Variants in CNTLN observed in about 807,000 individuals in gnomAD.
CNTLN encodes the protein centlein.
Under a neutral mutation model 180.0 loss-of-function variants are expected in CNTLN, and 212 were observed. The ratio of observed to expected loss-of-function variants is 1.18; its 90% CI spans 1.05 to 1.32. CNTLN has a LOEUF of 1.32. CNTLN is among the 40% of genes most tolerant of loss of function. The pLI is 0.00. For synonymous variants in CNTLN, 722 were observed against 563.1 expected, an observed-to-expected ratio of 1.28 and a Z score of -3.99; for missense variants, 2,095 against 1,610.9, an observed-to-expected ratio of 1.30 and a Z score of -5.14.
intron 10 of CNTLN, among the ~76,000 whole-genome samples, chr9:17,336,713 TA>T (rs979762675): frequency 1.3e-5 from 2 of 152,168 alleles, no homozygotes; most frequent in African/African-American, 4.8e-5. Flanking sequence ...AACCTTTTTT[TA>T]AAAAAATTAT....
In CNTLN at chr9:17,260,885, C is replaced by T. The variant is rs529872383; in HGVS notation, c.850-12848C>T. Reference sequence around the variant, plus strand: ...AGGAAGGGGTCCAGTTTCAATCTTCCGCATTTGGCTAGCCAGTTATCTCAG... The same window carrying T: ...AGGAAGGGGTCCAGTTTCAATCTTCTGCATTTGGCTAGCCAGTTATCTCAG... On this transcript the variant is annotated intron_variant, in intron 5 of 25. Transcript: ENST00000380647. Among the ~76,000 whole-genome samples, 297 of 151,354 alleles carry T rather than the reference C, an allele frequency of 2.0e-3. 13 individuals are homozygous for T. The highest frequency in any genetic ancestry group is 6.0e-3 in the African/African-American group (245 of 40,882).
At chr9:17,162,189 A>G (rs1160963200) in intron 2 of CNTLN, among the ~76,000 whole-genome samples, 6 of 151,698 alleles carry the variant, frequency 4.0e-5, no homozygotes, top group Non-Finnish European at 8.8e-5. Flanking sequence ...ATCTCAGCTC[A>G]CTGCAAGCTC....
chr9:17,364,624 G>A (rs1324862553), intron 12 of CNTLN, among the ~76,000 whole-genome samples: 1 of 151,794 alleles, frequency 6.6e-6, no homozygotes, highest in Non-Finnish European at 1.5e-5. Flanking sequence ...ATCCCATTTT[G>A]GGCAGTGGGA....
intron 5 of CNTLN, among the ~76,000 whole-genome samples, chr9:17,251,948 A>G (rs1334305655): frequency 6.6e-6 from 1 of 151,690 alleles, no homozygotes. Flanking sequence ...GCACCACGAG[A>G]TAAGGTTTTT....
intron 12 of CNTLN, among the ~76,000 whole-genome samples, chr9:17,354,764 C>T (rs146750518): frequency 2.0e-5 from 3 of 152,184 alleles, no homozygotes; most frequent in South Asian, 2.1e-4. Context: ...CCCGAGCCAG[C>T]GTTGGCAACC....
At chr9:17,496,984 C>G (rs984458129) in intron 25 of CNTLN, among the ~76,000 whole-genome samples, 1 of 152,056 alleles carries the variant, frequency 6.6e-6, no homozygotes, top group African/African-American at 2.4e-5. Flanking sequence ...AAATGTCTTG[C>G]AGGGGGTTGG....
intron 12 of CNTLN, among the ~76,000 whole-genome samples, chr9:17,362,767 C>T (rs1015565961): frequency 7.2e-5 from 11 of 151,768 alleles, no homozygotes; most frequent in South Asian, 6.3e-4. Context: ...ACTTTAAGTT[C>T]TGGGATACAT....
intron 5 of CNTLN, among the ~76,000 whole-genome samples, chr9:17,245,922 T>A (rs1283106429): frequency 2.0e-5 from 3 of 152,164 alleles, no homozygotes; most frequent in Admixed American, 6.6e-5. Context: ...AAAATATATC[T>A]GTAGGATTCT....
intron 7 of CNTLN, chr9:17,300,231 G>C (rs1818251902): frequency 1.3e-5 from 2 of 152,066 alleles, no homozygotes; most frequent in Admixed American, 1.3e-4. Context: ...CATTTCCTTT[G>C]AGCATCATAC....
At chr9:17,408,175 A>G (rs1309748114) in intron 15 of CNTLN, among the ~76,000 whole-genome samples, 1 of 149,004 alleles carries the variant, frequency 6.7e-6, no homozygotes, top group African/African-American at 2.5e-5. Flanking sequence ...AAGGCATCTC[A>G]AAAGTATATA....
In CNTLN at chr9:17,232,334, T is replaced by A. The variant is rs4489405; in HGVS notation, c.535-3324T>A. Among the ~76,000 whole-genome samples the A allele has an allele frequency of 9.1e-4, 139 of 152,118 alleles. 1 individual carries two copies. Among genetic ancestry groups the A allele is most frequent in the African/African-American group, 2.3e-3 (97 of 41,554 alleles). Reference sequence around the variant, plus strand: ...TAATAATTTTGGTTAACCAATTTTTTAAATTTTATTATGCTTTTTAATTTA... The same window carrying A: ...TAATAATTTTGGTTAACCAATTTTTAAAATTTTATTATGCTTTTTAATTTA... On this transcript the variant is annotated intron_variant, in intron 3 of 25. Coordinates refer to ENST00000380647, the MANE Select transcript of CNTLN (RefSeq NM_017738.4).
intron 2 of CNTLN, among the ~76,000 whole-genome samples, chr9:17,149,249 G>A (rs868598942): frequency 6.6e-6 from 1 of 152,084 alleles, no homozygotes; most frequent in African/African-American, 2.4e-5. Flanking sequence ...CCAACTCTTT[G>A]CTATTGTGAA....
At chr9:17,523,982 T>TG in the CNTLN span, among the ~76,000 whole-genome samples, 88 of 152,346 alleles carry the variant, frequency 5.8e-4, no homozygotes, top group Non-Finnish European at 9.0e-4. Flanking sequence ...TTTTTCCTCT[T>TG]AGAAACGTCC....
At chr9:17,446,631 C>G (rs147478713) in intron 18 of CNTLN, among the ~76,000 whole-genome samples, 36 of 152,190 alleles carry the variant, frequency 2.4e-4, no homozygotes, top group Admixed American at 5.2e-4. Flanking sequence ...ATATCATGGT[C>G]TATTATAAAT....
intron 25 of CNTLN, among the ~76,000 whole-genome samples, chr9:17,501,039 ACTT>A (rs1479603233): frequency 6.6e-5 from 10 of 152,192 alleles, no homozygotes; most frequent in Non-Finnish European, 1.3e-4. Flanking sequence ...TGCTTTTCCC[ACTT>A]CTTCACATTC....
intron 5 of CNTLN, among the ~76,000 whole-genome samples, chr9:17,242,365 A>G (rs1329849350): frequency 6.6e-6 from 1 of 151,510 alleles, no homozygotes; most frequent in Non-Finnish European, 1.5e-5. Context: ...GCGGGAGTGC[A>G]GTGGCACGAT....
At chr9:17,137,022 C>G (rs1817764967) in intron 1 of CNTLN, among the ~76,000 whole-genome samples, 1 of 152,050 alleles carries the variant, frequency 6.6e-6, no homozygotes, top group African/African-American at 2.4e-5. Flanking sequence ...TTTTTATGAC[C>G]GACTTGGTTA....
intron 2 of CNTLN, 72 bp downstream of exon 2, chr9:17,143,448 T>C: frequency 9.7e-7 from 1 of 1,028,962 alleles, no homozygotes. Context: ...TTAAAGTTAG[T>C]ACTTATCATT....
chr9:17,290,889 C>T (rs1470945482), intron 6 of CNTLN, among the ~76,000 whole-genome samples: 3 of 152,214 alleles, frequency 2.0e-5, no homozygotes, highest in Non-Finnish European at 4.4e-5. Context: ...CGTGCACCCA[C>T]TGGCCTGCGC....
Sources: allele counts gnomAD v4.1 joint callset (sites outside exome capture counted in the v4.1 genomes callset), GRCh38; gene constraint gnomAD v4.1.1; transcripts MANE v1.5; gene names NCBI Gene and HGNC (gene_info 2026-07-23, HGNC 2026-07-21).